Variants in TTC14 observed in about 807,000 individuals in gnomAD.
TTC14 encodes the protein tetratricopeptide repeat domain 14, also known as tetratricopeptide repeat protein 14.
TTC14 carries 63 observed loss-of-function variants against 79.9 expected under a neutral mutation model. The ratio of observed to expected loss-of-function variants is 0.79; its 90% CI spans 0.64 to 0.97. The LOEUF is 0.97. Ranked by LOEUF, TTC14 falls within the 50% of genes least tolerant of loss-of-function variation. The pLI is 0.00. For synonymous variants in TTC14, 335 were observed against 309.6 expected, an observed-to-expected ratio of 1.08 and a Z score of -0.86; for missense variants, 895 against 894.0, an observed-to-expected ratio of 1.00 and a Z score of -0.01.
chr3:180,616,034 G>C (rs1403144600), downstream of TTC14, among the ~76,000 whole-genome samples: 1 of 152,306 alleles, frequency 6.6e-6, no homozygotes, highest in South Asian at 2.1e-4. Context: ...ATAGCTCATA[G>C]TCACAGAGCA....
chr3:180,616,270 C>G lies in TTC14; in HGVS notation c.1775-1110C>G, dbSNP rs751853252. On this transcript the variant is annotated intron_variant, in intron 12 of 12. Transcript: ENST00000382584. ...AGAGTTAAGCAGATTTTTTTTTAAC[C>G]CTCCGCTTACCTTGCTGATAGTGAA... 3.7e-6 allele frequency: 6 copies of G among 1,611,568 alleles called. No individual in the cohort carries two copies. The highest frequency in any genetic ancestry group is 5.1e-6 in the Non-Finnish European group (6 of 1,178,274).
chr3:180,605,052 G>C, intron 6 of TTC14, 45 bp downstream of exon 6: 1 of 1,562,646 alleles, frequency 6.4e-7, no homozygotes, highest in Non-Finnish European at 8.7e-7. Context: ...GGGAGTGGCA[G>C]TAAGCTCAGA....
At chr3:180,617,622 T>TA (rs1300897658) in exon 13 of TTC14, 2 of 405,878 alleles carry the variant, frequency 4.9e-6, no homozygotes, top group South Asian at 1.2e-4. Flanking sequence ...AATTAAAAAG[T>TA]AAAAAAACTA....
Position 180,609,812 on chromosome 3 carries a change from T to A in TTC14, c.1583T>A (p.Ile528Lys). 1.2e-6 allele frequency: 2 copies of A among 1,613,568 alleles called. No homozygotes were observed. The highest frequency in any genetic ancestry group is 1.7e-6 in the Non-Finnish European group (2 of 1,179,846). ...TCATCTAGGGCATCCTCAAATCAGATAGATCAGAATAGGAAAGATGAGTGC... is the reference window on the plus strand; with the variant it reads ...TCATCTAGGGCATCCTCAAATCAGAAAGATCAGAATAGGAAAGATGAGTGC... The part of the protein sequence containing the change: ...RHSSRASSNQ[I>K]DQNRKDECYP... The change falls in exon 12 of 12, where the codon ATA (isoleucine) becomes AAA (lysine). Residue 528 changes from isoleucine (I) to lysine (K), a missense_variant. By Grantham distance (102) the Ile-to-Lys change is moderately radical. Transcript: ENST00000296015.
chr3:180,609,755 G>T lies in TTC14; in HGVS notation c.1526G>T (p.Arg509Leu). ...AGGCATAAGAAACATAAGAGGAACC[G>T]TTCAGAGTCTTCTCGCAGTTCCAGA... Reference protein sequence around the residue: ...HKRHKKHKRNRSESSRSSRRH... With the variant: ...HKRHKKHKRNLSESSRSSRRH... Residue 509 changes from arginine (R) to leucine (L), a missense_variant, in exon 12 of 12, where the codon CGT (arginine) becomes CTT (leucine). Arg to Leu is a moderately radical substitution (Grantham distance 102, BLOSUM62 -2). Coordinates refer to ENST00000296015, the MANE Select transcript of TTC14 (RefSeq NM_133462.4). 6.2e-7 allele frequency: 1 copy of T among 1,613,946 alleles called. No individual in the cohort carries two copies.
chr3:180,616,674 T>C (rs1359080654), intron 12 of TTC14: 2 of 1,591,024 alleles, frequency 1.3e-6, no homozygotes, highest in Non-Finnish European at 8.6e-7. Flanking sequence ...AAAAGACGGA[T>C]TTCCTTTGTG....
chr3:180,608,798 A>C lies in TTC14; in HGVS notation c.1388A>C (p.Lys463Thr). The change falls in exon 11 of 12, where the codon AAA becomes ACA. Residue 463 changes from lysine to threonine, a missense_variant. Lys to Thr is a moderately conservative substitution (Grantham distance 78). Transcript: ENST00000296015. ...GCAGAAAAGTTGCGTAAGCTCTTAA[A>C]AGAAGAGAAGAGGTAAACTATAATA... ...TSAEKLRKLLKEEKRLKKKRR... is the reference protein window; with the variant it reads ...TSAEKLRKLLTEEKRLKKKRR... The C allele has an allele frequency of 6.5e-7, 1 of 1,538,298 alleles. No individual in the cohort carries two copies. Among genetic ancestry groups the C allele is most frequent in the Non-Finnish European group, 8.7e-7 (1 of 1,148,316 alleles).
intron 12 of TTC14, chr3:180,616,931 C>G: frequency 6.7e-7 from 1 of 1,486,130 alleles, no homozygotes; most frequent in Non-Finnish European, 9.3e-7. Flanking sequence ...CATTATTTGC[C>G]AAATGTTCTA....
intron 9 of TTC14, 135 bp downstream of exon 9, chr3:180,606,738 C>T: frequency 9.0e-7 from 1 of 1,107,384 alleles, no homozygotes. Flanking sequence ...TGGGAAAGTA[C>T]AAGAGATTAG....
downstream of TTC14, among the ~76,000 whole-genome samples, chr3:180,613,530 CT>C (rs1435499656): frequency 6.6e-6 from 1 of 152,138 alleles, no homozygotes; most frequent in South Asian, 2.1e-4. Flanking sequence ...CCCTGTGCAT[CT>C]TTTTTATATT....
Position 180,604,651 on chromosome 3 carries a change from C to G in TTC14, c.701+44C>G, listed in dbSNP as rs780525986. 3.8e-5 allele frequency: 60 copies of G among 1,565,976 alleles called. No individual in the cohort carries two copies. In the Admixed American group the frequency reaches 1.1e-3, roughly 29 times the overall value. ...TTCAACAACAGTTCATTACAAAAGT[C>G]TCTTGGATTGAGGAATACCACATTT... On this transcript the variant is annotated intron_variant, in intron 5 of 11. Coordinates refer to ENST00000296015, the MANE Select transcript of TTC14 (RefSeq NM_133462.4).
intron 11 of TTC14, chr3:180,609,242 T>TAC: frequency 1.6e-6 from 1 of 606,946 alleles, no homozygotes; most frequent in Non-Finnish European, 2.1e-6. Flanking sequence ...ACAGGTCAGC[T>TAC]CCCACCCGCA....
At chr3:180,615,031 C>T (rs1441439851), downstream of TTC14, 12 of 1,556,530 alleles carry the variant, frequency 7.7e-6, no homozygotes, top group Non-Finnish European at 1.0e-5. Context: ...AGCTCCAGTA[C>T]TTTAATTGAA....
intron 6 of TTC14, chr3:180,605,341 A>G (rs1039673268): frequency 3.2e-5 from 6 of 187,626 alleles, no homozygotes; most frequent in African/African-American, 1.3e-4. Flanking sequence ...CAGTGGCGCT[A>G]TCTCAGCTCA....
rs1716974737 is a variant in TTC14, at chr3:180,611,028, T to C, written c.*486T>C. The C allele has an allele frequency of 1.1e-6, 1 of 939,140 alleles. No individual in the cohort carries two copies. The highest frequency in any genetic ancestry group is 1.2e-4 in the East Asian group (1 of 8,564). The allele number at this position is 939,140 out of a possible 1,614,324, so 58.2% of individuals were successfully genotyped here. ...CTTTTATATTTATCAGTTTAAATAT[T>C]ACATTTTTTGCCCAATTTTTTTTAA... On this transcript the variant is annotated 3_prime_UTR_variant, in exon 12 of 12. Coordinates refer to ENST00000296015, the MANE Select transcript of TTC14 (RefSeq NM_133462.4).
At chr3:180,605,104 A>T in intron 6 of TTC14, 97 bp downstream of exon 6, 1 of 1,245,506 alleles carries the variant, frequency 8.0e-7, no homozygotes, top group African/African-American at 1.5e-5. Context: ...ATCCTAAGCC[A>T]CCTAGTAGCA....
At chr3:180,615,022 G>A (rs1196761332), downstream of TTC14, 3 of 1,558,332 alleles carry the variant, frequency 1.9e-6, no homozygotes, top group Non-Finnish European at 2.6e-6. Context: ...GGGAATTTAA[G>A]CTCCAGTACT....
Position 180,602,826 on chromosome 3 carries a change from G to A in TTC14, c.162-65G>A, listed in dbSNP as rs1576916346. 6 of 1,524,572 alleles carry A rather than the reference G, an allele frequency of 3.9e-6. No homozygotes were observed. The East Asian group carries it at 1.4e-4, about 35-fold the overall frequency. The allele number at this position is 1,524,572 out of a possible 1,614,324, so 94.4% of individuals were successfully genotyped here. A position where few individuals can be genotyped will look rare whatever the true frequency, so the allele number is the denominator to read the frequency against. On this transcript the variant is annotated intron_variant, in intron 1 of 11. Transcript: ENST00000296015. ...GAATGGGCGATGAAAGCCATAAGCA[G>A]AAGGTTAGAAGTAAAGAGGCTTTGC...
At position 180,610,118 on chromosome 3, in the gene TTC14, C is replaced by T; in HGVS notation, c.1889C>T (p.Ser630Leu). ...ERHFSSRRNS[S>L]DSFCRNSEDK... is the part of the protein sequence containing the mutation. ...CATTTTTCCAGTAGAAGAAATTCCT[C>T]AGATTCCTTCTGTAGGAATTCAGAG... is the stretch of plus-strand genomic sequence containing the variant. The change falls in exon 12 of 12, where the codon TCA (serine) becomes TTA (leucine). Residue 630 changes from serine to leucine, a missense_variant. Transcript: ENST00000296015. 9 of 1,612,926 alleles carry T rather than the reference C, an allele frequency of 5.6e-6. No individual in the cohort carries two copies. Among genetic ancestry groups the T allele is most frequent in the Non-Finnish European group, 7.6e-6 (9 of 1,179,636 alleles).
Sources: gnomAD v4.1 joint callset for allele counts (sites outside exome capture counted in the v4.1 genomes callset) on GRCh38, gnomAD v4.1.1 for gene constraint, MANE v1.5 for transcripts, NCBI Gene and HGNC (gene_info 2026-07-23, HGNC 2026-07-21) for gene names.